Variants in DPF3 observed in about 807,000 individuals in gnomAD.
DPF3 encodes zinc finger protein DPF3.
Under a neutral mutation model 56.8 loss-of-function variants are expected in DPF3, and 18 were observed. The observed-to-expected ratio is 0.32, with a 90% confidence interval of 0.22 to 0.47. DPF3 has a LOEUF of 0.47. DPF3 is among the 20% of genes least tolerant of loss of function. The pLI is 1.00. For synonymous variants in DPF3, 188 were observed against 180.2 expected (o/e 1.04, Z -0.35); for missense variants, 403 against 488.8 (o/e 0.82, Z 1.65).
In DPF3 at chr14:72,649,989, A is replaced by T. The variant is rs574043948; in HGVS notation, c.872-20253T>A. The stretch of plus-strand genomic sequence containing the variant: ...CCTGACACAGGAGGCCGAGCGGCTG[A>T]TGAGCAAACTCCAGAGAGCACTGGG... On this transcript the variant is annotated intron_variant, in intron 8 of 10. Coordinates refer to ENST00000556509, the MANE Select transcript of DPF3 (RefSeq NM_001280542.3). Among the ~76,000 whole-genome samples, 62 of 152,344 alleles carry T rather than the reference A, an allele frequency of 4.1e-4. No homozygotes were observed. The South Asian group carries it at 0.012, about 31-fold the overall frequency.
intron 6 of DPF3, among the ~76,000 whole-genome samples, chr14:72,699,719 C>A (rs1888078480): frequency 6.6e-6 from 1 of 152,106 alleles, no homozygotes; most frequent in Non-Finnish European, 1.5e-5. Context: ...CAGCAACCTG[C>A]ATCCCCATTT....
At position 72,615,284 on chromosome 14, in the gene DPF3, A is replaced by C. The variant is rs1407658432; in HGVS notation, c.*4013T>G. 6.6e-6 allele frequency among the ~76,000 whole-genome samples: 1 copy of C among 152,092 alleles called. No individual in the cohort carries two copies. Among genetic ancestry groups the C allele is most frequent in the Non-Finnish European group, 1.5e-5 (1 of 67,990 alleles). On this transcript the variant is annotated 3_prime_UTR_variant, in exon 11 of 11. Transcript: ENST00000556509. ...ACACAGACCCAAAGAGGAGACTATA[A>C]GCCCCTCTTCTTTGAGTCCTGAGGC...
intron 1 of DPF3, among the ~76,000 whole-genome samples, chr14:72,778,095 G>A (rs1891820804): frequency 6.6e-6 from 1 of 152,098 alleles, no homozygotes; most frequent in Admixed American, 6.5e-5. Context: ...GAGCTATAAG[G>A]AGGACTCTTA....
intron 1 of DPF3, among the ~76,000 whole-genome samples, chr14:72,887,898 G>A (rs1886609920): frequency 6.6e-6 from 1 of 152,140 alleles, no homozygotes; most frequent in East Asian, 1.9e-4. Flanking sequence ...GTGTGAGGAT[G>A]GGAAAAACTT....
intron 7 of DPF3, among the ~76,000 whole-genome samples, chr14:72,682,294 G>GT (rs1465002665): frequency 1.3e-5 from 2 of 151,320 alleles, no homozygotes; most frequent in Admixed American, 6.6e-5. Flanking sequence ...TACGTGACAC[G>GT]TAATGAGATA....
intron 1 of DPF3, among the ~76,000 whole-genome samples, chr14:72,879,095 C>T (rs578181531): frequency 6.6e-6 from 1 of 152,200 alleles, no homozygotes; most frequent in Admixed American, 6.5e-5. Flanking sequence ...GACAGAAAGG[C>T]ACATGTGGCC....
At chr14:72,690,658 C>G (rs1304257970) in intron 7 of DPF3, among the ~76,000 whole-genome samples, 1 of 151,950 alleles carries the variant, frequency 6.6e-6, no homozygotes, top group Non-Finnish European at 1.5e-5. Context: ...TAGACACACA[C>G]ACACCCGGCT....
At chr14:72,863,055 CATTTATATATATATATATATATATAT>C in intron 1 of DPF3, among the ~76,000 whole-genome samples, 1 of 91,314 alleles carries the variant, frequency 1.1e-5, no homozygotes, top group East Asian at 2.7e-4. Flanking sequence ...TATATTATTC[CATTTATATATATATATATATATATAT>C]ATATATATAT....
chr14:72,839,673 G>A (rs1200755910), intron 1 of DPF3, among the ~76,000 whole-genome samples: 1 of 152,216 alleles, frequency 6.6e-6, no homozygotes, highest in Admixed American at 6.5e-5. Context: ...CTCTCTTGGG[G>A]ACAGTAGCCC....
At chr14:72,625,116 T>C (rs1884744822) in intron 9 of DPF3, among the ~76,000 whole-genome samples, 1 of 152,184 alleles carries the variant, frequency 6.6e-6, no homozygotes, top group South Asian at 2.1e-4. Flanking sequence ...ATCCTACTTC[T>C]CATCATACTT....
At chr14:72,737,898 AT>A (rs201559382) in intron 3 of DPF3, among the ~76,000 whole-genome samples, 2,703 of 145,296 alleles carry the variant, frequency 0.019, 23 homozygotes, top group Middle Eastern at 0.029. Context: ...TGAGTGCTCA[AT>A]TTTTTTTTTT....
chr14:72,622,042 C>T (rs1306033207), intron 9 of DPF3, among the ~76,000 whole-genome samples: 1 of 152,150 alleles, frequency 6.6e-6, no homozygotes, highest in Non-Finnish European at 1.5e-5. Flanking sequence ...AGTGAAGGTC[C>T]TAGGAGAGGA....
chr14:72,643,234 G>T (rs1386368121), intron 8 of DPF3, among the ~76,000 whole-genome samples: 1 of 152,230 alleles, frequency 6.6e-6, no homozygotes, highest in African/African-American at 2.4e-5. Flanking sequence ...GCATGCATAA[G>T]AAGTTTGCCA....
chr14:72,773,354 A>G (rs1181506173), intron 1 of DPF3, among the ~76,000 whole-genome samples: 1 of 151,950 alleles, frequency 6.6e-6, no homozygotes, highest in Non-Finnish European at 1.5e-5. Flanking sequence ...GGCTGGTCTC[A>G]AACTCCTGAC....
intron 8 of DPF3, among the ~76,000 whole-genome samples, chr14:72,635,396 C>G (rs1885356121): frequency 6.6e-6 from 1 of 152,214 alleles, no homozygotes; most frequent in African/African-American, 2.4e-5. Context: ...CATGTCTTTA[C>G]AGAAACATGT....
rs1202707721 is a variant in DPF3, at chr14:72,714,477, T to C, written c.550A>G (p.Arg184Gly). ...TCCTGAGAGGCGGCGTCGTGCCTCC[T>C]CCTGCCCCCTGCAGAGCCGCGAGCC... Reference protein sequence around the residue: ...GRARGSAGGRRRHDAASQEDH... With the variant: ...GRARGSAGGRGRHDAASQEDH... Residue 184 changes from arginine to glycine, a missense_variant, in exon 6 of 11, where the codon AGG becomes GGG. Arg to Gly is a moderately radical substitution (Grantham distance 125). Transcript: ENST00000556509. 6.2e-7 allele frequency: 1 copy of C among 1,613,788 alleles called. No individual in the cohort carries two copies. Among genetic ancestry groups the C allele is most frequent in the Non-Finnish European group, 8.5e-7 (1 of 1,179,786 alleles).
chr14:72,788,055 C>T (rs1381443720), intron 1 of DPF3, among the ~76,000 whole-genome samples: 1 of 152,226 alleles, frequency 6.6e-6, no homozygotes, highest in Non-Finnish European at 1.5e-5. Flanking sequence ...AACTGCCTGG[C>T]CATGCTAAGC....
At chr14:72,749,527 GA>G (rs1890471612) in intron 3 of DPF3, among the ~76,000 whole-genome samples, 1 of 152,226 alleles carries the variant, frequency 6.6e-6, no homozygotes, top group Admixed American at 6.5e-5. Flanking sequence ...GATTGGTTTT[GA>G]AATGTGAAGA....
chr14:72,754,562 G>A (rs1890711211), intron 2 of DPF3, among the ~76,000 whole-genome samples: 4 of 152,284 alleles, frequency 2.6e-5, no homozygotes, highest in Non-Finnish European at 2.9e-5. Context: ...GCTGTTGGAC[G>A]CAGGCGGCCT....
Sources: gnomAD v4.1 joint callset for allele counts (sites outside exome capture counted in the v4.1 genomes callset) on GRCh38, gnomAD v4.1.1 for gene constraint, MANE v1.5 for transcripts, NCBI Gene and HGNC (gene_info 2026-07-23, HGNC 2026-07-21) for gene names.